IMMP2L: variants seen among roughly 807,000 people sequenced by gnomAD.
IMMP2L encodes mitochondrial inner membrane protease subunit 2.
In IMMP2L, 18 loss-of-function variants were observed where a neutral mutation model predicts 19.3. The observed-to-expected ratio is 0.93, with a 90% CI of 0.64 to 1.38. The LOEUF (loss-of-function observed/expected upper bound fraction) is 1.38. Among genes scored for constraint, IMMP2L ranks in the 40% most tolerant of loss-of-function variants. The pLI, the probability that IMMP2L is intolerant of heterozygous loss-of-function variation, is 0.00. For synonymous variants in IMMP2L, 76 were observed against 73.0 expected (o/e 1.04, Z -0.21); for missense variants, 233 against 218.2 (o/e 1.07, Z -0.43).
At chr7:111,478,160 T>C (rs1841879863) in intron 3 of IMMP2L, among the ~76,000 whole-genome samples, 1 of 152,146 alleles carries the variant, frequency 6.6e-6, no homozygotes, top group African/African-American at 2.4e-5. Context: ...ATTGATTGTG[T>C]GTTCCATTCT....
intron 5 of IMMP2L, among the ~76,000 whole-genome samples, chr7:110,795,961 G>A (rs73417274): frequency 0.049 from 7,508 of 152,048 alleles, 580 homozygotes; most frequent in African/African-American, 0.16. Context: ...TAATCTCCAC[G>A]TGTTGGGAGA....
At chr7:111,020,712 A>C (rs1411861045) in intron 3 of IMMP2L, among the ~76,000 whole-genome samples, 1 of 152,128 alleles carries the variant, frequency 6.6e-6, no homozygotes, top group Non-Finnish European at 1.5e-5. Context: ...TAGTGAGCTG[A>C]GATGGCACTA....
At chr7:111,185,731 A>G (rs1449123483) in intron 3 of IMMP2L, among the ~76,000 whole-genome samples, 2 of 152,296 alleles carry the variant, frequency 1.3e-5, no homozygotes, top group East Asian at 3.9e-4. Context: ...ATTACTGTCC[A>G]ACCACTTTGT....
chr7:111,104,807 A>G (rs1798363059), intron 3 of IMMP2L, among the ~76,000 whole-genome samples: 1 of 151,936 alleles, frequency 6.6e-6, no homozygotes, highest in African/African-American at 2.4e-5. Context: ...CCAGCCTCGC[A>G]TCTCATTGGA....
intron 3 of IMMP2L, among the ~76,000 whole-genome samples, chr7:111,185,281 G>T (rs191937220): frequency 6.6e-6 from 1 of 152,248 alleles, no homozygotes; most frequent in East Asian, 1.9e-4. Flanking sequence ...AGCTCTACGT[G>T]GTAGCTGCAA....
intron 5 of IMMP2L, among the ~76,000 whole-genome samples, chr7:110,849,537 C>G (rs544796921): frequency 1.3e-5 from 2 of 152,036 alleles, no homozygotes; most frequent in Non-Finnish European, 2.9e-5. Flanking sequence ...ATACACAAAT[C>G]ACTAATGAAC....
At chr7:111,127,092 T>A (rs2129591879) in intron 3 of IMMP2L, among the ~76,000 whole-genome samples, 1 of 152,330 alleles carries the variant, frequency 6.6e-6, no homozygotes, top group Admixed American at 6.5e-5. Flanking sequence ...ACAACCAAAA[T>A]ATGAAACTTG....
chr7:110,689,772 G>T (rs190844570), intron 5 of IMMP2L, among the ~76,000 whole-genome samples: 138 of 152,244 alleles, frequency 9.1e-4, no homozygotes, highest in African/African-American at 3.2e-3. Flanking sequence ...GCTCTTCAGA[G>T]AATTGTTTTA....
At chr7:111,082,874 A>AAT (rs779468644) in intron 3 of IMMP2L, among the ~76,000 whole-genome samples, 3,522 of 151,132 alleles carry the variant, frequency 0.023, 83 homozygotes, top group South Asian at 0.071. Flanking sequence ...AAAAAAAAAA[A>AAT]TGACACGTGT....
At chr7:111,383,619 T>C (rs974584754) in intron 3 of IMMP2L, among the ~76,000 whole-genome samples, 2 of 152,050 alleles carry the variant, frequency 1.3e-5, no homozygotes, top group Non-Finnish European at 2.9e-5. Context: ...TATTTCCCTG[T>C]TGGCTTCTAT....
At chr7:111,276,707 C>A (rs1189860637) in intron 3 of IMMP2L, among the ~76,000 whole-genome samples, 1 of 148,100 alleles carries the variant, frequency 6.8e-6, no homozygotes, top group Non-Finnish European at 1.5e-5. Flanking sequence ...CACTACCTGA[C>A]TTCAAATTAT....
intron 3 of IMMP2L, among the ~76,000 whole-genome samples, chr7:111,335,175 C>A (rs778791925): frequency 6.6e-6 from 1 of 152,056 alleles, no homozygotes; most frequent in Admixed American, 6.6e-5. Flanking sequence ...AGAAAAGATA[C>A]AAACTAGAGC....
intron 3 of IMMP2L, among the ~76,000 whole-genome samples, chr7:111,315,365 T>C (rs188384075): frequency 3.0e-4 from 45 of 152,138 alleles, no homozygotes; most frequent in African/African-American, 1.1e-3. Context: ...CTTATGATAC[T>C]TTACTAAAAA....
chr7:111,375,721 A>G (rs2131157701), intron 3 of IMMP2L, among the ~76,000 whole-genome samples: 1 of 152,074 alleles, frequency 6.6e-6, no homozygotes, highest in East Asian at 1.9e-4. Context: ...ATGGGGATTC[A>G]CCATGTTGGC....
At chr7:111,311,212 C>A (rs1173224788) in intron 3 of IMMP2L, among the ~76,000 whole-genome samples, 1 of 151,672 alleles carries the variant, frequency 6.6e-6, no homozygotes, top group East Asian at 1.9e-4. Flanking sequence ...GGACAATGAT[C>A]ACAAGGTAGA....
intron 4 of IMMP2L, among the ~76,000 whole-genome samples, chr7:110,902,274 C>T (rs964883027): frequency 1.3e-5 from 2 of 151,370 alleles, no homozygotes; most frequent in Non-Finnish European, 2.9e-5. Flanking sequence ...TAACAGCCTA[C>T]TATTAATTAT....
In IMMP2L at chr7:110,663,291, T is replaced by A. The variant is rs1239892907; in HGVS notation, c.*311A>T. The A allele has an allele frequency of 4.3e-6, 1 of 230,000 alleles. No individual in the cohort carries two copies. Among genetic ancestry groups the A allele is most frequent in the Admixed American group, 5.2e-5 (1 of 19,198 alleles). 14.2% of individuals were successfully genotyped at this position (230,000 alleles called of 1,614,324 possible). A position where few individuals can be genotyped will look rare whatever the true frequency, so the allele number is the denominator to read the frequency against. Reference sequence around the variant, plus strand: ...CCCAACAATCAATATAATAAGTATATGTAACAAATAATCTGAAATTCAGCC... The same window carrying A: ...CCCAACAATCAATATAATAAGTATAAGTAACAAATAATCTGAAATTCAGCC... On this transcript the variant is annotated 3_prime_UTR_variant, in exon 6 of 6. Transcript: ENST00000405709.
chr7:111,406,769 A>T (rs1182816164), intron 3 of IMMP2L, among the ~76,000 whole-genome samples: 1 of 152,052 alleles, frequency 6.6e-6, no homozygotes, highest in African/African-American at 2.4e-5. Flanking sequence ...CCCTGTTAAT[A>T]GGTGGATTCC....
intron 3 of IMMP2L, among the ~76,000 whole-genome samples, chr7:111,168,235 A>C (rs1292438538): frequency 6.6e-6 from 1 of 152,002 alleles, no homozygotes; most frequent in African/African-American, 2.4e-5. Context: ...TTGCAAAAAT[A>C]ATCCAATTAT....
Sources: gnomAD v4.1 joint callset for allele counts (sites outside exome capture counted in the v4.1 genomes callset) on GRCh38, gnomAD v4.1.1 for gene constraint, MANE v1.5 for transcripts, NCBI Gene and HGNC (gene_info 2026-07-23, HGNC 2026-07-21) for gene names.